The following BMAL2 variants were observed in gnomAD, a reference collection of about 807,000 sequenced individuals.
The protein encoded by BMAL2 is basic helix-loop-helix ARNT like 2.
chr12:27,415,752 T>C, the BMAL2 span: 1 of 710,888 alleles, frequency 1.4e-6, no homozygotes, highest in Non-Finnish European at 2.4e-6. Context: ...CCTGCTATGA[T>C]ACTCAGTTTC....
the BMAL2 span, chr12:27,394,390 C>G: frequency 6.6e-6 from 1 of 152,212 alleles, no homozygotes; most frequent in Non-Finnish European, 1.5e-5. Flanking sequence ...CCCTTCCACA[C>G]TGTATTGAAA....
At chr12:27,416,945 A>G in the BMAL2 span, among the ~76,000 whole-genome samples, 2 of 152,226 alleles carry the variant, frequency 1.3e-5, no homozygotes, top group South Asian at 2.1e-4. Context: ...TGAGCGGCAG[A>G]CTGCAACTGT....
At chr12:27,401,372 G>A in the BMAL2 span, 2 of 1,600,594 alleles carry the variant, frequency 1.2e-6, no homozygotes, top group Non-Finnish European at 1.7e-6. Flanking sequence ...AGGTAGGTAT[G>A]CATTGAGCAG....
At chr12:27,335,454 C>T in the BMAL2 span, among the ~76,000 whole-genome samples, 146 of 152,312 alleles carry the variant, frequency 9.6e-4, 1 homozygote, top group African/African-American at 3.2e-3. Context: ...TTCTCACCTT[C>T]CGTTTTCTTA....
the BMAL2 span, among the ~76,000 whole-genome samples, chr12:27,404,328 TA>T: frequency 6.6e-6 from 1 of 151,888 alleles, no homozygotes; most frequent in African/African-American, 2.4e-5. Flanking sequence ...TAAAATACGT[TA>T]TAAAGCTACA....
At chr12:27,367,793 T>TAA in the BMAL2 span, among the ~76,000 whole-genome samples, 6 of 149,562 alleles carry the variant, frequency 4.0e-5, no homozygotes, top group African/African-American at 1.2e-4. Context: ...TGTATATATA[T>TAA]AATGTGTATA....
At chr12:27,362,625 G>A in the BMAL2 span, among the ~76,000 whole-genome samples, 4 of 151,778 alleles carry the variant, frequency 2.6e-5, no homozygotes, top group Non-Finnish European at 5.9e-5. Flanking sequence ...CTACCCCCTT[G>A]CTTTCTGTAT....
At chr12:27,400,766 A>G in the BMAL2 span, 24 of 1,605,848 alleles carry the variant, frequency 1.5e-5, no homozygotes, top group Non-Finnish European at 2.0e-5. Flanking sequence ...TTGTCTATGT[A>G]GATCAAAGGT....
At chr12:27,404,248 A>G in the BMAL2 span, among the ~76,000 whole-genome samples, 1 of 149,516 alleles carries the variant, frequency 6.7e-6, no homozygotes, top group Non-Finnish European at 1.5e-5. Flanking sequence ...AGATTATACT[A>G]ATCACATTAA....
the BMAL2 span, among the ~76,000 whole-genome samples, chr12:27,338,242 G>A: frequency 1.7e-4 from 26 of 152,294 alleles, no homozygotes; most frequent in Middle Eastern, 3.4e-3. Context: ...GCAGGAGAAG[G>A]GGTTAAAGAG....
chr12:27,417,852 G>T, the BMAL2 span, among the ~76,000 whole-genome samples: 1 of 151,966 alleles, frequency 6.6e-6, no homozygotes, highest in African/African-American at 2.4e-5. Flanking sequence ...AATTAGCCGG[G>T]CGTGGTGGCA....
chr12:27,388,565 G>T, the BMAL2 span, among the ~76,000 whole-genome samples: 2 of 151,936 alleles, frequency 1.3e-5, no homozygotes, highest in African/African-American at 4.8e-5. Flanking sequence ...ATTTCAACCT[G>T]GGAGAAGGGA....
At chr12:27,334,457 G>A in the BMAL2 span, among the ~76,000 whole-genome samples, 1 of 152,212 alleles carries the variant, frequency 6.6e-6, no homozygotes, top group Non-Finnish European at 1.5e-5. Context: ...TTAACTTAAT[G>A]TAGTTATTAA....
the BMAL2 span, among the ~76,000 whole-genome samples, chr12:27,416,783 C>A: frequency 6.6e-6 from 1 of 152,028 alleles, no homozygotes; most frequent in Non-Finnish European, 1.5e-5. Flanking sequence ...TATAGTGAGA[C>A]CTCCTTTCTA....
the BMAL2 span, among the ~76,000 whole-genome samples, chr12:27,373,054 C>T: frequency 2.6e-5 from 4 of 152,064 alleles, no homozygotes; most frequent in Non-Finnish European, 4.4e-5. Context: ...CAAAGAATCA[C>T]CCTGGAAACA....
chr12:27,382,782 A>C, the BMAL2 span, among the ~76,000 whole-genome samples: 1 of 152,184 alleles, frequency 6.6e-6, no homozygotes, highest in Admixed American at 6.5e-5. Context: ...TAAAGGCAGA[A>C]GGATGGTGAT....
chr12:27,358,251 C>G, the BMAL2 span, among the ~76,000 whole-genome samples: 1 of 152,030 alleles, frequency 6.6e-6, no homozygotes, highest in African/African-American at 2.4e-5. Context: ...AGACAGTTCT[C>G]AAAAGAAGAT....
chr12:27,413,722 T>G, the BMAL2 span, among the ~76,000 whole-genome samples: 1 of 152,270 alleles, frequency 6.6e-6, no homozygotes, highest in South Asian at 2.1e-4. Context: ...ATTTAAAAAA[T>G]AAGATCCAAC....
the BMAL2 span, among the ~76,000 whole-genome samples, chr12:27,336,139 G>A: frequency 6.6e-6 from 1 of 152,184 alleles, no homozygotes; most frequent in Non-Finnish European, 1.5e-5. Flanking sequence ...TGACAACTGA[G>A]TTACTCGGGT....
Sources: gnomAD v4.1 joint callset for allele counts (sites outside exome capture counted in the v4.1 genomes callset) on GRCh38, gnomAD v4.1.1 for gene constraint, MANE v1.5 for transcripts, NCBI Gene and HGNC (gene_info 2026-07-23, HGNC 2026-07-21) for gene names.